Variants in ABCC4 observed in about 807,000 individuals in gnomAD.
ABCC4 encodes the protein ATP-binding cassette sub-family C member 4.
In ABCC4, 102 loss-of-function variants were observed where a neutral mutation model predicts 168.5. That is an observed-to-expected ratio of 0.61 (90% CI 0.52 to 0.71). The LOEUF (loss-of-function observed/expected upper bound fraction) is 0.71, where lower values mean the gene tolerates loss of function less well. Among genes scored for constraint, ABCC4 ranks in the 30% least tolerant of loss-of-function variants. The pLI is 0.00. For missense variants in ABCC4, 1,402 were observed against 1,605.8 expected, an observed-to-expected ratio of 0.87 and a Z score of 2.17; for synonymous variants, 617 against 590.7, an observed-to-expected ratio of 1.04 and a Z score of -0.65.
intron 11 of ABCC4, among the ~76,000 whole-genome samples, chr13:95,184,998 T>C (rs2038012579): frequency 6.6e-6 from 1 of 152,156 alleles, no homozygotes; most frequent in African/African-American, 2.4e-5. Flanking sequence ...CTAAAATGGA[T>C]CTTCAGGGAA....
In ABCC4 at chr13:95,207,783, T is replaced by A; in HGVS notation, c.911+17A>T. ...AGAAAAATACAAAAATATGGTACAA[T>A]GTATACAAAAACTTACTTTCTCAAA... On this transcript the variant is annotated intron_variant, in intron 7 of 30. Transcript: ENST00000645237. 6.2e-7 allele frequency: 1 copy of A among 1,607,276 alleles called. No individual in the cohort carries two copies. Among genetic ancestry groups the A allele is most frequent in the Non-Finnish European group, 8.5e-7 (1 of 1,176,776 alleles).
chr13:95,041,817 G>C (rs2032374212), intron 29 of ABCC4, among the ~76,000 whole-genome samples: 1 of 152,206 alleles, frequency 6.6e-6, no homozygotes, highest in Non-Finnish European at 1.5e-5. Flanking sequence ...TTCAGCTAGG[G>C]GTTGAGGGAA....
At chr13:95,043,885 GATC>G (rs1376769048) in intron 28 of ABCC4, 98 bp from the exon 29 acceptor site, 3 of 736,752 alleles carry the variant, frequency 4.1e-6, no homozygotes, top group Admixed American at 5.4e-5. Context: ...AAAAAAAAAA[GATC>G]ATATCTATTT....
intron 1 of ABCC4, among the ~76,000 whole-genome samples, chr13:95,273,941 T>C (rs931468363): frequency 5.3e-5 from 8 of 150,204 alleles, no homozygotes; most frequent in African/African-American, 1.5e-4. Flanking sequence ...CTTTTAAAAA[T>C]AAGAGTTTGC....
At chr13:95,280,371 C>T (rs931301116) in intron 1 of ABCC4, among the ~76,000 whole-genome samples, 55 of 142,620 alleles carry the variant, frequency 3.9e-4, no homozygotes, top group Non-Finnish European at 5.1e-4. Context: ...ACGCCAAGAT[C>T]ATGACACTGC....
At chr13:95,208,492 T>C (rs555978101) in intron 6 of ABCC4, among the ~76,000 whole-genome samples, 1 of 152,096 alleles carries the variant, frequency 6.6e-6, no homozygotes, top group South Asian at 2.1e-4. Flanking sequence ...CTTCCAACAG[T>C]GGCTCATCTC....
At chr13:95,226,906 A>G (rs1226778328) in intron 4 of ABCC4, among the ~76,000 whole-genome samples, 1 of 152,262 alleles carries the variant, frequency 6.6e-6, no homozygotes, top group Non-Finnish European at 1.5e-5. Context: ...GGAAGGTCTT[A>G]GTTATAAAGC....
At chr13:95,083,764 C>G (rs2034175352) in intron 20 of ABCC4, among the ~76,000 whole-genome samples, 1 of 152,114 alleles carries the variant, frequency 6.6e-6, no homozygotes, top group Non-Finnish European at 1.5e-5. Context: ...CTCAAGTGAT[C>G]TGCCCACCTC....
chr13:95,057,603 C>T (rs1266957029), intron 26 of ABCC4, among the ~76,000 whole-genome samples: 5 of 152,160 alleles, frequency 3.3e-5, no homozygotes, highest in Non-Finnish European at 7.3e-5. Flanking sequence ...ATTTCTGTGC[C>T]CCAGTTCTTT....
chr13:95,268,080 TAA>T (rs997619081), intron 1 of ABCC4, among the ~76,000 whole-genome samples: 4 of 152,160 alleles, frequency 2.6e-5, no homozygotes, highest in Non-Finnish European at 1.5e-5. Flanking sequence ...GAAGAAGACC[TAA>T]GAGACTCCAA....
chr13:95,096,087 A>G, intron 20 of ABCC4: 1 of 498,510 alleles, frequency 2.0e-6, no homozygotes, highest in Non-Finnish European at 3.5e-6. Flanking sequence ...TCATGCCTAT[A>G]ATCCCAGCAC....
intron 19 of ABCC4, among the ~76,000 whole-genome samples, chr13:95,138,998 G>A (rs1594165272): frequency 6.6e-6 from 1 of 152,148 alleles, no homozygotes; most frequent in South Asian, 2.1e-4. Flanking sequence ...CTCAAATCTG[G>A]TTGGCTTGTC....
At chr13:95,119,031 A>G (rs1402950532) in intron 19 of ABCC4, among the ~76,000 whole-genome samples, 1 of 152,210 alleles carries the variant, frequency 6.6e-6, no homozygotes, top group African/African-American at 2.4e-5. Context: ...CTCAGCACAT[A>G]GTCAGGTAGC....
intron 1 of ABCC4, among the ~76,000 whole-genome samples, chr13:95,295,287 G>A (rs920604618): frequency 2.6e-5 from 4 of 152,130 alleles, no homozygotes; most frequent in Non-Finnish European, 4.4e-5. Context: ...AGGCCAAGGC[G>A]GGAGAATCAC....
At chr13:95,169,378 T>C (rs2037390011) in intron 14 of ABCC4, among the ~76,000 whole-genome samples, 1 of 152,104 alleles carries the variant, frequency 6.6e-6, no homozygotes, top group African/African-American at 2.4e-5. Flanking sequence ...AAATCACAGA[T>C]CAAACCATGT....
chr13:95,085,046 G>A (rs34857509), intron 20 of ABCC4, among the ~76,000 whole-genome samples: 43,635 of 152,174 alleles, frequency 0.29, 6,789 homozygotes, highest in Non-Finnish European at 0.37. Flanking sequence ...GAACAGTGGG[G>A]GACGTGCAGA....
chr13:95,273,554 G>A (rs1379612002), intron 1 of ABCC4, among the ~76,000 whole-genome samples: 1 of 152,114 alleles, frequency 6.6e-6, no homozygotes, highest in Non-Finnish European at 1.5e-5. Flanking sequence ...CTGTTCCATG[G>A]GGACTATTTG....
chr13:95,044,388 T>C lies in ABCC4; in HGVS notation c.3507A>G (p.Glu1169=). 1.2e-6 allele frequency: 2 copies of C among 1,613,690 alleles called. No individual in the cohort carries two copies. The highest frequency in any genetic ancestry group is 2.2e-5 in the South Asian group (2 of 90,952). Residue 1169 remains glutamate (E), a synonymous_variant, in exon 28 of 31, where the codon GAA becomes GAG. Transcript: ENST00000645237. ...TAAAATTGGATCCTGATTCTGCTAA[T>C]TCAGTATCCATTTTACCAGGAAGAT... ...IEDLPGKMDT[E]LAESGSNFSV... is the part of the protein sequence containing the mutation.
At chr13:95,244,503 C>G (rs772258618) in intron 3 of ABCC4, among the ~76,000 whole-genome samples, 5 of 149,644 alleles carry the variant, frequency 3.3e-5, no homozygotes, top group Non-Finnish European at 5.9e-5. Flanking sequence ...CCCAGTAGGC[C>G]AAAGCTGCAG....
Sources: allele counts gnomAD v4.1 joint callset (sites outside exome capture counted in the v4.1 genomes callset), GRCh38; gene constraint gnomAD v4.1.1; transcripts MANE v1.5; gene names NCBI Gene and HGNC (gene_info 2026-07-23, HGNC 2026-07-21).